Variants in FGF14 observed in about 807,000 individuals in gnomAD.
The protein encoded by FGF14 is fibroblast growth factor homologous factor 4.
A neutral mutation model predicts 25.5 loss-of-function variants in FGF14; 5 were observed. The ratio of observed to expected loss-of-function variants is 0.20; its 90% CI spans 0.10 to 0.41. The LOEUF (loss-of-function observed/expected upper bound fraction) is 0.41. Ranked by LOEUF, FGF14 falls within the 10% of genes least tolerant of loss-of-function variation. FGF14 has a pLI of 1.00. For synonymous variants in FGF14, 138 were observed against 118.3 expected, an observed-to-expected ratio of 1.17 and a Z score of -1.08; for missense variants, 222 against 320.1, an observed-to-expected ratio of 0.69 and a Z score of 2.34.
chr13:102,115,706 T>C (rs185368899), intron 1 of FGF14, among the ~76,000 whole-genome samples: 1 of 152,076 alleles, frequency 6.6e-6, no homozygotes, highest in Non-Finnish European at 1.5e-5. Flanking sequence ...GGAGCATGGG[T>C]TGGAAGGCTA....
chr13:101,907,780 A>G (rs2032423399), intron 1 of FGF14, among the ~76,000 whole-genome samples: 1 of 152,108 alleles, frequency 6.6e-6, no homozygotes, highest in African/African-American at 2.4e-5. Context: ...TAAGGATAAT[A>G]CAGGAGGATG....
At chr13:101,796,387 C>A (rs2040522335) in intron 3 of FGF14, among the ~76,000 whole-genome samples, 1 of 151,974 alleles carries the variant, frequency 6.6e-6, no homozygotes, top group Non-Finnish European at 1.5e-5. Context: ...TCTGTGTCTA[C>A]TCTGCTATAA....
intron 3 of FGF14, among the ~76,000 whole-genome samples, chr13:101,759,501 CA>C (rs1169685270): frequency 6.6e-6 from 1 of 152,124 alleles, no homozygotes; most frequent in Non-Finnish European, 1.5e-5. Context: ...GCCTGGGATT[CA>C]TACAGATTCT....
At chr13:102,070,590 T>A (rs954692230) in intron 1 of FGF14, among the ~76,000 whole-genome samples, 2 of 152,220 alleles carry the variant, frequency 1.3e-5, no homozygotes, top group African/African-American at 4.8e-5. Flanking sequence ...TCTATGATTA[T>A]TGCAGTACTG....
intron 3 of FGF14, among the ~76,000 whole-genome samples, chr13:101,819,422 C>T (rs1233999577): frequency 1.3e-5 from 2 of 152,084 alleles, no homozygotes; most frequent in Admixed American, 1.3e-4. Flanking sequence ...AATCTTGCCC[C>T]AAAATTGGGT....
chr13:101,896,019 C>T (rs1446000059), intron 1 of FGF14, among the ~76,000 whole-genome samples: 5 of 152,100 alleles, frequency 3.3e-5, no homozygotes, highest in Non-Finnish European at 5.9e-5. Flanking sequence ...TTTTAAATTA[C>T]TTAACCATAA....
chr13:102,134,090 G>A (rs1327500742), intron 1 of FGF14, among the ~76,000 whole-genome samples: 1 of 152,102 alleles, frequency 6.6e-6, no homozygotes, highest in East Asian at 1.9e-4. Context: ...AAGGCACTGG[G>A]CTAGACACTG....
intron 3 of FGF14, among the ~76,000 whole-genome samples, chr13:101,817,905 T>C (rs951955413): frequency 6.6e-6 from 1 of 152,194 alleles, no homozygotes; most frequent in Non-Finnish European, 1.5e-5. Context: ...AAAATAGAGA[T>C]TGTAAAAATA....
intron 1 of FGF14, among the ~76,000 whole-genome samples, chr13:102,167,980 T>C (rs527763271): frequency 6.6e-6 from 1 of 152,218 alleles, no homozygotes; most frequent in African/African-American, 2.4e-5. Flanking sequence ...TCGCCCTCTA[T>C]GTCATGGCTT....
In FGF14 at chr13:102,081,762, A is replaced by G. The variant is rs556085489; in HGVS notation, c.209-206466T>C. 5.8e-4 allele frequency among the ~76,000 whole-genome samples: 88 copies of G among 152,172 alleles called. 1 individual carries two copies. The highest frequency in any genetic ancestry group is 1.0e-3 in the Non-Finnish European group (69 of 68,038). ...AACTACAAACTCTTTATATCTAGGG[A>G]TAATATCTAGTTGGTAAAATGCGCC... On this transcript the variant is annotated intron_variant, in intron 1 of 4. Transcript: ENST00000376131.
intron 1 of FGF14, among the ~76,000 whole-genome samples, chr13:102,130,166 T>G (rs1027783951): frequency 6.6e-6 from 1 of 152,172 alleles, no homozygotes; most frequent in African/African-American, 2.4e-5. Flanking sequence ...GGTTAGCCAT[T>G]CAGGAACTCC....
chr13:102,075,039 A>G (rs531434017), intron 1 of FGF14, among the ~76,000 whole-genome samples: 1 of 152,210 alleles, frequency 6.6e-6, no homozygotes, highest in Non-Finnish European at 1.5e-5. Flanking sequence ...CACTCTTCTC[A>G]GTTCTATTCA....
chr13:102,402,134 A>C (rs1595068802), upstream of FGF14: 1 of 159,710 alleles, frequency 6.3e-6, no homozygotes, highest in Non-Finnish European at 1.4e-5. Context: ...CACCAATACC[A>C]CCTCCGAGAT....
intron 1 of FGF14, among the ~76,000 whole-genome samples, chr13:101,938,560 T>C (rs1010403723): frequency 2.6e-5 from 4 of 152,190 alleles, no homozygotes; most frequent in Non-Finnish European, 4.4e-5. Context: ...TTGAGAAAAT[T>C]TTGTTTGTAG....
At chr13:101,917,112 C>T (rs1478506930), upstream of FGF14, among the ~76,000 whole-genome samples, 1 of 151,568 alleles carries the variant, frequency 6.6e-6, no homozygotes, top group Non-Finnish European at 1.5e-5. Flanking sequence ...GCGCGTCCGT[C>T]GGTCCGGGTC....
At chr13:101,767,895 T>C (rs2038508583) in intron 3 of FGF14, among the ~76,000 whole-genome samples, 1 of 152,148 alleles carries the variant, frequency 6.6e-6, no homozygotes, top group Non-Finnish European at 1.5e-5. Context: ...TTGAATTTAA[T>C]TTTTTTATAC....
At chr13:101,975,397 C>T (rs1317654890) in intron 1 of FGF14, among the ~76,000 whole-genome samples, 3 of 152,152 alleles carry the variant, frequency 2.0e-5, no homozygotes, top group Non-Finnish European at 4.4e-5. Flanking sequence ...ACACCACCTT[C>T]TCCAAAACAC....
intron 3 of FGF14, among the ~76,000 whole-genome samples, chr13:101,816,307 A>C (rs1360957924): frequency 6.7e-6 from 1 of 149,202 alleles, no homozygotes; most frequent in African/African-American, 2.5e-5. Context: ...CGAAATCTAA[A>C]GGGAGATATC....
intron 3 of FGF14, among the ~76,000 whole-genome samples, chr13:101,794,132 G>A (rs1217903105): frequency 6.6e-6 from 1 of 151,858 alleles, no homozygotes; most frequent in African/African-American, 2.4e-5. Context: ...TGCTTTATCT[G>A]TTTTTACTTT....
Sources: allele counts gnomAD v4.1 joint callset (sites outside exome capture counted in the v4.1 genomes callset), GRCh38; gene constraint gnomAD v4.1.1; transcripts MANE v1.5; gene names NCBI Gene and HGNC (gene_info 2026-07-23, HGNC 2026-07-21).